Variants in NRXN3 observed in about 807,000 individuals in gnomAD.
NRXN3 encodes neurexin III.
NRXN3 carries 32 observed loss-of-function variants against 137.6 expected under a neutral mutation model. That is an observed-to-expected ratio of 0.23 (90% CI 0.18 to 0.31). The LOEUF (loss-of-function observed/expected upper bound fraction) is 0.31. Ranked by LOEUF, NRXN3 falls within the 10% of genes least tolerant of loss-of-function variation. NRXN3 has a pLI of 1.00. For synonymous variants in NRXN3, 798 were observed against 784.5 expected, an observed-to-expected ratio of 1.02 and a Z score of -0.29; for missense variants, 1,574 against 2,062.5, an observed-to-expected ratio of 0.76 and a Z score of 4.59.
chr14:79,413,813 A>G (rs1427171081), intron 15 of NRXN3, among the ~76,000 whole-genome samples: 1 of 146,956 alleles, frequency 6.8e-6, no homozygotes, highest in African/African-American at 2.6e-5. Context: ...TCTAATCTTG[A>G]ATTCAAATCA....
chr14:79,725,986 T>C (rs2098886050), intron 19 of NRXN3, among the ~76,000 whole-genome samples: 1 of 152,114 alleles, frequency 6.6e-6, no homozygotes, highest in South Asian at 2.1e-4. Flanking sequence ...ATTCCCACAG[T>C]GACAAATTTG....
intron 2 of NRXN3, among the ~76,000 whole-genome samples, chr14:78,270,623 T>G (rs2072569867): frequency 6.6e-6 from 1 of 152,226 alleles, no homozygotes; most frequent in South Asian, 2.1e-4. Flanking sequence ...CTTGTCATTT[T>G]CAGTTTACAA....
At chr14:79,776,378 C>G (rs955749924) in intron 19 of NRXN3, among the ~76,000 whole-genome samples, 4 of 152,104 alleles carry the variant, frequency 2.6e-5, no homozygotes, top group African/African-American at 9.7e-5. Context: ...TCCAATGGAC[C>G]AATATGGCTT....
chr14:79,592,232 C>T (rs148675707), intron 16 of NRXN3, among the ~76,000 whole-genome samples: 10 of 152,092 alleles, frequency 6.6e-5, no homozygotes, highest in South Asian at 4.1e-4. Flanking sequence ...TGAGACTCAG[C>T]GGATTGCTTT....
chr14:78,328,081 C>G (rs976055669), intron 4 of NRXN3, among the ~76,000 whole-genome samples: 1 of 152,148 alleles, frequency 6.6e-6, no homozygotes, highest in Middle Eastern at 3.2e-3. Context: ...AAACGTAGTT[C>G]AGCCTAGCCA....
At chr14:79,431,158 G>A (rs753792416) in intron 15 of NRXN3, among the ~76,000 whole-genome samples, 8 of 151,922 alleles carry the variant, frequency 5.3e-5, no homozygotes, top group African/African-American at 7.2e-5. Context: ...AAAATTCTTC[G>A]TATCTTGCAA....
intron 17 of NRXN3, among the ~76,000 whole-genome samples, chr14:79,681,976 T>C (rs2098672902): frequency 1.3e-5 from 2 of 152,162 alleles, no homozygotes; most frequent in Admixed American, 1.3e-4. Flanking sequence ...TTTTCCTTTT[T>C]TTCTCTATGT....
rs117785584 is a variant in NRXN3 at position 79,676,169 on chromosome 14, G to A, written c.3616+12220G>A. 5.9e-3 allele frequency among the ~76,000 whole-genome samples: 894 copies of A among 152,084 alleles called. 4 individuals carry two copies. The highest frequency in any genetic ancestry group is 8.7e-3 in the Non-Finnish European group (591 of 67,976). On this transcript the variant is annotated intron_variant, in intron 17 of 20. Transcript: ENST00000335750. ...TTTCAAGCCATTGATCTGATGTTCT[G>A]AGGATGGACTAGCCCACTTTAGAGG...
In NRXN3 at chr14:78,269,282, C is replaced by T. The variant is rs61600457; in HGVS notation, c.710-9363C>T. Among the ~76,000 whole-genome samples, 1,515 of 152,234 alleles carry T rather than the reference C, an allele frequency of 1.0e-2. 25 individuals carry two copies. The highest frequency in any genetic ancestry group is 0.03 in the African/African-American group (1,266 of 41,526). On this transcript the variant is annotated intron_variant, in intron 2 of 20. Coordinates refer to ENST00000335750, the MANE Select transcript of NRXN3 (RefSeq NM_001330195.2). ...GCCTTAAAAAGGAAGAAAATTCTGACACATGCTACAACATGAATGAACCAT... is the reference window on the plus strand; with the variant it reads ...GCCTTAAAAAGGAAGAAAATTCTGATACATGCTACAACATGAATGAACCAT...
At chr14:79,366,423 T>A (rs1478441629) in intron 15 of NRXN3, among the ~76,000 whole-genome samples, 1 of 152,204 alleles carries the variant, frequency 6.6e-6, no homozygotes, top group Non-Finnish European at 1.5e-5. Context: ...TCTATCAATG[T>A]TTTTGCACCC....
chr14:79,335,919 A>G (rs758090335), intron 15 of NRXN3, among the ~76,000 whole-genome samples: 72 of 152,080 alleles, frequency 4.7e-4, no homozygotes, highest in Non-Finnish European at 8.7e-4. Context: ...CCTTTTGTGC[A>G]TGCATTATTT....
chr14:79,485,774 C>T (rs1178366308), intron 16 of NRXN3, among the ~76,000 whole-genome samples: 1 of 152,054 alleles, frequency 6.6e-6, no homozygotes, highest in South Asian at 2.1e-4. Context: ...GAAAAATAGA[C>T]AAAATGGTAG....
intron 4 of NRXN3, among the ~76,000 whole-genome samples, chr14:78,586,139 G>C (rs1376009594): frequency 1.3e-5 from 2 of 152,176 alleles, no homozygotes; most frequent in Admixed American, 1.3e-4. Flanking sequence ...GTCTGTGGCT[G>C]TTGTTGAGCT....
In NRXN3 at chr14:78,770,146, T is replaced by G. The variant is rs548856468; in HGVS notation, c.2045-33474T>G. Among the ~76,000 whole-genome samples the G allele has an allele frequency of 2.6e-5, 4 of 152,302 alleles. No homozygotes were observed. In the South Asian group the frequency reaches 8.3e-4, roughly 32 times the overall value. Reference sequence around the variant, plus strand: ...ATCAGGATGTTGTAATAGTTGTAATTTGGCTTGTATCAACATCCCTATTTT... The same window carrying G: ...ATCAGGATGTTGTAATAGTTGTAATGTGGCTTGTATCAACATCCCTATTTT... On this transcript the variant is annotated intron_variant, in intron 8 of 20. Transcript: ENST00000335750.
intron 15 of NRXN3, among the ~76,000 whole-genome samples, chr14:79,026,923 G>GCA (rs1555675996): frequency 7.4e-6 from 1 of 135,318 alleles, no homozygotes; most frequent in Non-Finnish European, 1.6e-5. Context: ...AGAAAAAAAA[G>GCA]TATATATATA....
intron 17 of NRXN3, among the ~76,000 whole-genome samples, chr14:79,686,753 A>G (rs1187723251): frequency 6.6e-6 from 1 of 152,156 alleles, no homozygotes; most frequent in Non-Finnish European, 1.5e-5. Flanking sequence ...CTTTGCTTAA[A>G]CAGATCAACT....
At chr14:79,066,847 A>C (rs1337554066) in intron 15 of NRXN3, among the ~76,000 whole-genome samples, 2 of 152,166 alleles carry the variant, frequency 1.3e-5, no homozygotes, top group Non-Finnish European at 1.5e-5. Flanking sequence ...ATTGCTTATC[A>C]GCTTACGAAG....
intron 16 of NRXN3, among the ~76,000 whole-genome samples, chr14:79,636,178 C>T (rs2098402153): frequency 6.6e-6 from 1 of 152,182 alleles, no homozygotes; most frequent in Admixed American, 6.5e-5. Flanking sequence ...CTATTTCCAA[C>T]TAAGGCCACA....
intron 10 of NRXN3, among the ~76,000 whole-genome samples, chr14:78,936,185 C>T (rs1213872928): frequency 6.6e-6 from 1 of 152,184 alleles, no homozygotes; most frequent in Non-Finnish European, 1.5e-5. Flanking sequence ...CACAAACACA[C>T]CCACCTTTCC....
Sources: allele counts gnomAD v4.1 joint callset (sites outside exome capture counted in the v4.1 genomes callset), GRCh38; gene constraint gnomAD v4.1.1; transcripts MANE v1.5; gene names NCBI Gene and HGNC (gene_info 2026-07-23, HGNC 2026-07-21).